The following BSND variants were observed in gnomAD, a reference collection of about 807,000 sequenced individuals.
BSND encodes the protein barttin CLCNK type accessory subunit beta, also known as barttin.
A neutral mutation model predicts 18.8 loss-of-function variants in BSND; 13 were observed. That is an observed-to-expected ratio of 0.69 (90% CI 0.45 to 1.10). The LOEUF (loss-of-function observed/expected upper bound fraction) is 1.10. Among genes scored for constraint, BSND ranks in the 50% least tolerant of loss-of-function variants. The pLI, the probability that BSND is intolerant of heterozygous loss-of-function variation, is 0.00. For missense variants in BSND, 379 were observed against 416.7 expected (o/e 0.91, Z 0.79); for synonymous variants, 170 against 161.8 (o/e 1.05, Z -0.39).
In BSND at chr1:55,014,500, C is replaced by T. The variant is rs1644440149; in HGVS notation, c.*5872C>T. 6.6e-6 allele frequency among the ~76,000 whole-genome samples: 1 copy of T among 152,222 alleles called. No individual in the cohort carries two copies. Among genetic ancestry groups the T allele is most frequent in the Admixed American group, 6.5e-5 (1 of 15,286 alleles). ...GTGAGCCCCCAGTAAAGTCAGTTAT[C>T]ATTGTTAGTGTTGCCTGCAGAGATG... On this transcript the variant is annotated 3_prime_UTR_variant, in exon 4 of 4. Transcript: ENST00000651561.
rs115701215 is a variant in BSND at position 55,015,535 on chromosome 1, G to A, written c.*6907G>A. ...GCACATCCCGGAGAAGAGCAGACAC[G>A]GTGTGGTGGGTAGGTGGATGAGACC... On this transcript the variant is annotated 3_prime_UTR_variant, in exon 4 of 4. Transcript: ENST00000651561. Among the ~76,000 whole-genome samples, 901 of 152,318 alleles carry A rather than the reference G, an allele frequency of 5.9e-3. 12 individuals carry two copies. Among genetic ancestry groups the A allele is most frequent in the African/African-American group, 0.021 (882 of 41,556 alleles).
rs1287478753 is a variant in BSND at position 55,008,349 on chromosome 1, T to A, written c.684T>A (p.Pro228=). The change falls in exon 4 of 4, where the codon CCT becomes CCA. Residue 228 remains proline (P), a synonymous_variant. Coordinates refer to ENST00000651561, the MANE Select transcript of BSND (RefSeq NM_057176.3). ...AAGCTTGTTCCCCACAACAGGAACCTCAGGGCTGCAGGTGCCCGCTGGACC... is the reference window on the plus strand; with the variant it reads ...AAGCTTGTTCCCCACAACAGGAACCACAGGGCTGCAGGTGCCCGCTGGACC... The part of the protein sequence containing the change: ...REEACSPQQE[P]QGCRCPLDRF... 20 of 1,614,078 alleles carry A rather than the reference T, an allele frequency of 1.2e-5. No homozygotes were observed. The highest frequency in any genetic ancestry group is 1.7e-5 in the Non-Finnish European group (20 of 1,180,038).
In BSND at chr1:54,999,109, G is replaced by A. The variant is rs575695982; in HGVS notation, c.-78G>A. The A allele has an allele frequency of 2.9e-5, 45 of 1,566,664 alleles. No homozygotes were observed. In the East Asian group the frequency reaches 1.0e-3, roughly 35 times the overall value. On this transcript the variant is annotated 5_prime_UTR_variant, in exon 1 of 4. Transcript: ENST00000651561. ...TTCAGTGTCTTCTCTCCCTGTGTAA[G>A]CCTGTCTCGGTGTTTAGGCTGAACT...
At position 55,016,010 on chromosome 1, in the gene BSND, C is replaced by T. The variant is rs79116528; in HGVS notation, c.*7382C>T. 6.4e-3 allele frequency among the ~76,000 whole-genome samples: 974 copies of T among 152,240 alleles called. 10 individuals are homozygous for T. Among genetic ancestry groups the T allele is most frequent in the African/African-American group, 0.022 (913 of 41,548 alleles). On this transcript the variant is annotated 3_prime_UTR_variant, in exon 4 of 4. Coordinates refer to ENST00000651561, the MANE Select transcript of BSND (RefSeq NM_057176.3). ...GTGTGAACTGAGCTTAGAATAGGAG[C>T]GGAGGGTGGCTGGAGAAGACGTGGG...
chr1:54,999,405 C>A lies in BSND; in HGVS notation c.177+42C>A, dbSNP rs1383583610. On this transcript the variant is annotated intron_variant, in intron 1 of 3. Coordinates refer to ENST00000651561, the MANE Select transcript of BSND (RefSeq NM_057176.3). ...CTGGGTGGGGCCAGGTCAGCTGGGG[C>A]CAGGAGGGCTGGACACTGTGCCTGT... 4 of 1,578,666 alleles carry A rather than the reference C, an allele frequency of 2.5e-6. No individual in the cohort carries two copies. In the East Asian group the frequency reaches 6.8e-5, roughly 27 times the overall value.
In BSND at chr1:55,014,040, C is replaced by T. The variant is rs1644436380; in HGVS notation, c.*5412C>T. On this transcript the variant is annotated 3_prime_UTR_variant, in exon 4 of 4. Transcript: ENST00000651561. ...CTCCGAATCCCTCCTAAACTGTGTG[C>T]CCCGCTCTGTCCCCAGCACTTCTGA... Among the ~76,000 whole-genome samples, 1 of 152,230 alleles carries T rather than the reference C, an allele frequency of 6.6e-6. No individual in the cohort carries two copies.
intron 2 of BSND, among the ~76,000 whole-genome samples, chr1:55,006,419 A>G (rs1011397564): frequency 9.2e-5 from 14 of 152,164 alleles, no homozygotes; most frequent in African/African-American, 3.4e-4. Flanking sequence ...CTCCAGTACT[A>G]TCACCTAGGG....
intron 1 of BSND, among the ~76,000 whole-genome samples, chr1:55,000,205 C>A (rs1570269728): frequency 6.6e-6 from 1 of 152,130 alleles, no homozygotes; most frequent in East Asian, 1.9e-4. Context: ...TGAAGGGCTA[C>A]CACTGTTACC....
intron 1 of BSND, among the ~76,000 whole-genome samples, chr1:55,003,077 G>T (rs972090373): frequency 0.083 from 1 of 12 alleles, no homozygotes; most frequent in African/African-American, 0.1. Context: ...TGATGGTGAC[G>T]GTGATGATGA....
At position 54,999,113 on chromosome 1, in the gene BSND, G is replaced by A. The variant is rs1644347495; in HGVS notation, c.-74G>A. ...GTGTCTTCTCTCCCTGTGTAAGCCTGTCTCGGTGTTTAGGCTGAACTACAG... is the reference window on the plus strand; with the variant it reads ...GTGTCTTCTCTCCCTGTGTAAGCCTATCTCGGTGTTTAGGCTGAACTACAG... On this transcript the variant is annotated 5_prime_UTR_variant, in exon 1 of 4. Coordinates refer to ENST00000651561, the MANE Select transcript of BSND (RefSeq NM_057176.3). 1 of 1,578,584 alleles carries A rather than the reference G, an allele frequency of 6.3e-7. No homozygotes were observed. The highest frequency in any genetic ancestry group is 8.7e-7 in the Non-Finnish European group (1 of 1,155,184).
At chr1:55,001,554 G>A (rs879390826) in intron 1 of BSND, among the ~76,000 whole-genome samples, 10 of 152,132 alleles carry the variant, frequency 6.6e-5, no homozygotes, top group Admixed American at 2.0e-4. Context: ...CCTCCTCCCC[G>A]TGGCTCTCTG....
Position 55,007,102 on chromosome 1 carries a change from G to A in BSND, c.378G>A (p.Glu126=), listed in dbSNP as rs1456690811. 2 of 1,614,146 alleles carry A rather than the reference G, an allele frequency of 1.2e-6. No homozygotes were observed. Among genetic ancestry groups the A allele is most frequent in the South Asian group, 2.2e-5 (2 of 91,084 alleles). Residue 126 remains glutamate (E), a synonymous_variant, in exon 3 of 4, where the codon GAG becomes GAA. Transcript: ENST00000651561. The stretch of plus-strand genomic sequence containing the variant: ...AGATGAAAGTCATGAGCTACAGTGA[G>A]GACCACCGCTCCTTGCTGGCCCCTG... The part of the protein sequence containing the change: ...HIQMKVMSYS[E]DHRSLLAPEM...
Position 55,004,410 on chromosome 1 carries a change from C to T in BSND, c.178-612C>T, listed in dbSNP as rs143595891. Among the ~76,000 whole-genome samples, 426 of 152,346 alleles carry T rather than the reference C, an allele frequency of 2.8e-3. 4 individuals are homozygous for T. Among genetic ancestry groups the T allele is most frequent in the Middle Eastern group, 0.02 (6 of 294 alleles). ...GAGAATCTGGCAGAGGAGGGATCCT[C>T]ACCCCATCTCCCAGATCCCACAGGC... On this transcript the variant is annotated intron_variant, in intron 1 of 3. Transcript: ENST00000651561.
chr1:54,999,765 C>T (rs1174986533), intron 1 of BSND, among the ~76,000 whole-genome samples: 2 of 152,188 alleles, frequency 1.3e-5, no homozygotes, highest in East Asian at 1.9e-4. Context: ...ACCTTCTGAG[C>T]CTTTCTGAGG....
Position 55,008,875 on chromosome 1 carries a change from A to C in BSND, c.*247A>C, listed in dbSNP as rs1644406349. On this transcript the variant is annotated 3_prime_UTR_variant, in exon 4 of 4. Coordinates refer to ENST00000651561, the MANE Select transcript of BSND (RefSeq NM_057176.3). ...AATATGATTTGTTGAGGTTTGCAGC[A>C]GCTGAAGCCCTCAAAAGCATTTTCC... 3.3e-6 allele frequency: 2 copies of C among 599,350 alleles called. No individual in the cohort carries two copies. Among genetic ancestry groups the C allele is most frequent in the Non-Finnish European group, 5.8e-6 (2 of 345,872 alleles). The allele number at this position is 599,350 out of a possible 1,614,324, so 37.1% of individuals were successfully genotyped here.
chr1:55,000,749 C>T (rs1644357590), intron 1 of BSND, among the ~76,000 whole-genome samples: 1 of 152,238 alleles, frequency 6.6e-6, no homozygotes, highest in Admixed American at 6.5e-5. Context: ...TCTGTCTGTG[C>T]AATTCCTTGA....
intron 1 of BSND, among the ~76,000 whole-genome samples, chr1:55,004,248 G>A (rs1644378631): frequency 1.3e-5 from 2 of 152,230 alleles, no homozygotes; most frequent in Admixed American, 1.3e-4. Context: ...GGATACTTGG[G>A]TTGCATCTAC....
In BSND at chr1:55,013,760, C is replaced by T. The variant is rs944874131; in HGVS notation, c.*5132C>T. Among the ~76,000 whole-genome samples, 2 of 152,166 alleles carry T rather than the reference C, an allele frequency of 1.3e-5. No homozygotes were observed. The highest frequency in any genetic ancestry group is 2.4e-5 in the African/African-American group (1 of 41,428). ...CCCACAAGATAAAATTCAGATTCCT[C>T]AGGCTGGCATTTGAGGCCCTTCATG... On this transcript the variant is annotated 3_prime_UTR_variant, in exon 4 of 4. Coordinates refer to ENST00000651561, the MANE Select transcript of BSND (RefSeq NM_057176.3).
rs1254798230 is a variant in BSND, at chr1:55,016,918, C to A, written c.*8290C>A. Among the ~76,000 whole-genome samples, 1 of 152,214 alleles carries A rather than the reference C, an allele frequency of 6.6e-6. No homozygotes were observed. ...TGCAAGGGACAGATACACGGCCATT[C>A]AAAACAGTGACCCTCCTGATTGAAT... On this transcript the variant is annotated 3_prime_UTR_variant, in exon 4 of 4. Transcript: ENST00000651561.
Sources: allele counts gnomAD v4.1 joint callset (sites outside exome capture counted in the v4.1 genomes callset), GRCh38; gene constraint gnomAD v4.1.1; transcripts MANE v1.5; gene names NCBI Gene and HGNC (gene_info 2026-07-23, HGNC 2026-07-21).